The following KCNQ1 variants were observed in gnomAD, a reference collection of about 807,000 sequenced individuals.
KCNQ1 encodes potassium voltage-gated channel subfamily Q member 1, also known as potassium voltage-gated channel subfamily KQT member 1.
KCNQ1 carries 49 observed loss-of-function variants against 72.4 expected under a neutral mutation model. The observed-to-expected ratio is 0.68, with a 90% CI of 0.54 to 0.86. The LOEUF (loss-of-function observed/expected upper bound fraction) is 0.86, where lower values mean the gene tolerates loss of function less well. KCNQ1 is among the 40% of genes least tolerant of loss of function. The pLI, the probability that KCNQ1 is intolerant of heterozygous loss-of-function variation, is 0.00. For missense variants in KCNQ1, 790 were observed against 945.1 expected (o/e 0.84, Z 2.15); for synonymous variants, 450 against 412.6 (o/e 1.09, Z -1.10).
rs1437651559 is a variant in KCNQ1, at chr11:2,764,974, T to C, written c.1515-3870T>C. Among the ~76,000 whole-genome samples, 1 of 152,202 alleles carries C rather than the reference T, an allele frequency of 6.6e-6. No individual in the cohort carries two copies. The highest frequency in any genetic ancestry group is 2.4e-5 in the African/African-American group (1 of 41,458). ...GGCTTTGTTGATTTTCCTTAAATAA[T>C]GTTCATTTTTTATCTCATAGACTGT... On this transcript the variant is annotated intron_variant, in intron 11 of 15. Transcript: ENST00000155840. The surrounding 1 kb of genome is among the most constrained non-coding windows in gnomAD (Gnocchi z 4.8).
At position 2,538,357 on chromosome 11, in the gene KCNQ1, T is replaced by C. The variant is rs1011232318; in HGVS notation, c.477+10339T>C. On this transcript the variant is annotated intron_variant, in intron 2 of 15. Coordinates refer to ENST00000155840, the MANE Select transcript of KCNQ1 (RefSeq NM_000218.3). The surrounding 1 kb of genome is among the most constrained non-coding windows in gnomAD (Gnocchi z 6.7). ...GACAGTCCCCTGGCCCCACGGATGT[T>C]GTGTGGACGAGTTGGAGGGCTCACA... 5.9e-5 allele frequency among the ~76,000 whole-genome samples: 9 copies of C among 152,016 alleles called. No individual in the cohort carries two copies. The highest frequency in any genetic ancestry group is 2.2e-4 in the African/African-American group (9 of 41,354).
At chr11:2,776,337 G>A (rs1420532511) in intron 13 of KCNQ1, among the ~76,000 whole-genome samples, 2 of 152,050 alleles carry the variant, frequency 1.3e-5, no homozygotes, top group Non-Finnish European at 2.9e-5. Flanking sequence ...GCAAACACCC[G>A]CCTCCGTCCC....
rs368468828 is a variant in KCNQ1, at chr11:2,456,126, T to C, written c.386+10642T>C. Among the ~76,000 whole-genome samples, 4 of 151,926 alleles carry C rather than the reference T, an allele frequency of 2.6e-5. No homozygotes were observed. The South Asian group carries it at 8.3e-4, about 32-fold the overall frequency. On this transcript the variant is annotated intron_variant, in intron 1 of 15. Coordinates refer to ENST00000155840, the MANE Select transcript of KCNQ1 (RefSeq NM_000218.3). ...AGGCCAAGGTGGGTGGATCATGGGG[T>C]CAGGAGTTTGAGACCAGCTTGGCCA...
chr11:2,804,754 C>A (rs1847339425), intron 15 of KCNQ1, among the ~76,000 whole-genome samples: 1 of 152,218 alleles, frequency 6.6e-6, no homozygotes, highest in Admixed American at 6.5e-5. Context: ...GACACCAAGG[C>A]CTTCCCCTGC....
rs142932362 is a variant in KCNQ1 at position 2,473,859 on chromosome 11, C to T, written c.386+28375C>T. 2.6e-5 allele frequency among the ~76,000 whole-genome samples: 4 copies of T among 152,352 alleles called. No homozygotes were observed. The highest frequency in any genetic ancestry group is 1.3e-4 in the Admixed American group (2 of 15,310). ...AGCTGGGCAGACAGCCGCATGCGCT[C>T]ACCACTCGCCCTCCACAGATGGGAG... On this transcript the variant is annotated intron_variant, in intron 1 of 15. Coordinates refer to ENST00000155840, the MANE Select transcript of KCNQ1 (RefSeq NM_000218.3). This position sits in a 1 kb window ranked among gnomAD's most constrained non-coding sequence, Gnocchi z 6.0.
At chr11:2,467,869 C>T (rs369758959) in intron 1 of KCNQ1, among the ~76,000 whole-genome samples, 2 of 152,218 alleles carry the variant, frequency 1.3e-5, no homozygotes, top group African/African-American at 2.4e-5. Context: ...ATGGGCCACC[C>T]GCACTGGGGC....
chr11:2,525,393 G>A (rs1020044268), intron 1 of KCNQ1, among the ~76,000 whole-genome samples: 1 of 152,230 alleles, frequency 6.6e-6, no homozygotes, highest in Non-Finnish European at 1.5e-5. Flanking sequence ...AAATTACTCT[G>A]CATCCACCGC....
chr11:2,665,465 G>A (rs1424204317), intron 11 of KCNQ1: 1 of 396,620 alleles, frequency 2.5e-6, no homozygotes, highest in African/African-American at 2.1e-5. Flanking sequence ...CACGACAGTG[G>A]GTGGGGACGG....
chr11:2,533,939 G>T (rs542247930), intron 2 of KCNQ1, among the ~76,000 whole-genome samples: 1 of 152,322 alleles, frequency 6.6e-6, no homozygotes, highest in South Asian at 2.1e-4. Flanking sequence ...AACCCCGTGA[G>T]CTGCGGCCCC....
chr11:2,527,271 T>C (rs1408884025), intron 1 of KCNQ1, among the ~76,000 whole-genome samples: 1 of 152,128 alleles, frequency 6.6e-6, no homozygotes, highest in Non-Finnish European at 1.5e-5. Context: ...GAGGCTCCTC[T>C]GGGAAGCAGA....
Position 2,621,678 on chromosome 11 carries a change from T to G in KCNQ1, c.1393+32824T>G. 1 of 398,510 alleles carries G rather than the reference T, an allele frequency of 2.5e-6. No individual in the cohort carries two copies. The highest frequency in any genetic ancestry group is 3.6e-5 in the East Asian group (1 of 28,036). 24.7% of individuals were successfully genotyped at this position (398,510 alleles called of 1,614,324 possible). A position where few individuals can be genotyped will look rare whatever the true frequency, so the allele number is the denominator to read the frequency against. On this transcript the variant is annotated intron_variant, in intron 10 of 15. Transcript: ENST00000155840. This position sits in a 1 kb window ranked among gnomAD's most constrained non-coding sequence, Gnocchi z 5.7. ...ATCCAATTTGTTGGGATATAATTGT[T>G]CATAAAAGTCCCTTATGATCCTTTT...
intron 15 of KCNQ1, among the ~76,000 whole-genome samples, chr11:2,802,150 G>A (rs2134026724): frequency 6.6e-6 from 1 of 152,342 alleles, no homozygotes; most frequent in South Asian, 2.1e-4. Flanking sequence ...GCTTTTCCAG[G>A]GGTCAGGCAG....
At chr11:2,696,281 T>A (rs1219683071) in intron 11 of KCNQ1, 1 of 398,534 alleles carries the variant, frequency 2.5e-6, no homozygotes, top group Admixed American at 4.4e-5. Flanking sequence ...GGAGTCTACT[T>A]TTCCTAGGGG....
Position 2,582,848 on chromosome 11 carries a change from C to T in KCNQ1, c.922-587C>T, listed in dbSNP as rs569993316. ...AGGAAGCAAACCTCAGATGCCAGCGCGGGGGAAAGGGTGGGGGGAGCCTTC... is the reference window on the plus strand; with the variant it reads ...AGGAAGCAAACCTCAGATGCCAGCGTGGGGGAAAGGGTGGGGGGAGCCTTC... On this transcript the variant is annotated intron_variant, in intron 6 of 15. Coordinates refer to ENST00000155840, the MANE Select transcript of KCNQ1 (RefSeq NM_000218.3). Among the ~76,000 whole-genome samples, 9 of 152,154 alleles carry T rather than the reference C, an allele frequency of 5.9e-5. No individual in the cohort carries two copies. In the South Asian group the frequency reaches 1.0e-3, roughly 18 times the overall value.
chr11:2,561,062 C>T lies in KCNQ1; in HGVS notation c.478-9566C>T, dbSNP rs541628260. ...CTAAAAATACAAAAAATTAGCCGGG[C>T]GAGGTGGCGGGCGCCTGTAGTCCCA... On this transcript the variant is annotated intron_variant, in intron 2 of 15. Transcript: ENST00000155840. Among the ~76,000 whole-genome samples the T allele has an allele frequency of 5.4e-3, 813 of 151,586 alleles. 5 individuals carry two copies. The highest frequency in any genetic ancestry group is 0.017 in the African/African-American group (682 of 41,274).
At chr11:2,718,853 G>T (rs1053625482) in intron 11 of KCNQ1, among the ~76,000 whole-genome samples, 1 of 152,218 alleles carries the variant, frequency 6.6e-6, no homozygotes, top group Admixed American at 6.5e-5. Context: ...GGCATCCCGG[G>T]TCATTACTGG....
At position 2,567,623 on chromosome 11, in the gene KCNQ1, G is replaced by T. The variant is rs1165423474; in HGVS notation, c.478-3005G>T. On this transcript the variant is annotated intron_variant, in intron 2 of 15. Coordinates refer to ENST00000155840, the MANE Select transcript of KCNQ1 (RefSeq NM_000218.3). The surrounding 1 kb of genome is among the most constrained non-coding windows in gnomAD (Gnocchi z 6.6). ...AGAGATGGTGAGGGGACTTTTCCTT[G>T]GCTCTTTCCTGGCCTGCTAGCAGCA... Among the ~76,000 whole-genome samples, 1 of 152,176 alleles carries T rather than the reference G, an allele frequency of 6.6e-6. No homozygotes were observed. Among genetic ancestry groups the T allele is most frequent in the Non-Finnish European group, 1.5e-5 (1 of 68,024 alleles).
chr11:2,829,197 A>C (rs1847895369), intron 15 of KCNQ1, among the ~76,000 whole-genome samples: 1 of 152,236 alleles, frequency 6.6e-6, no homozygotes, highest in African/African-American at 2.4e-5. Context: ...CTCCAACACC[A>C]AAAACAAAAG....
At chr11:2,648,287 C>G (rs560388702) in intron 10 of KCNQ1, 1 of 398,388 alleles carries the variant, frequency 2.5e-6, no homozygotes, top group African/African-American at 2.1e-5. Flanking sequence ...CTGCTCTGAT[C>G]TTTACTATTT....
Sources: allele counts gnomAD v4.1 joint callset (sites outside exome capture counted in the v4.1 genomes callset), GRCh38; gene constraint gnomAD v4.1.1; non-coding constraint Gnocchi (gnomAD v3.1); transcripts MANE v1.5; gene names NCBI Gene and HGNC (gene_info 2026-07-23, HGNC 2026-07-21).